The following COMMD1 variants were observed in gnomAD, a reference collection of about 807,000 sequenced individuals.
COMMD1 encodes COMM domain-containing protein 1.
COMMD1 carries 10 observed loss-of-function variants against 17.2 expected under a neutral mutation model. That is an observed-to-expected ratio of 0.58 (90% CI 0.36 to 0.99). The LOEUF is 0.99. COMMD1 is among the 50% of genes least tolerant of loss of function. COMMD1 has a pLI of 0.01. For missense variants in COMMD1, 270 were observed against 231.8 expected (o/e 1.17, Z -1.07); for synonymous variants, 97 against 91.6 (o/e 1.06, Z -0.34).
intron 2 of COMMD1, among the ~76,000 whole-genome samples, chr2:62,071,427 T>C (rs1671196221): frequency 1.3e-5 from 2 of 152,226 alleles, no homozygotes; most frequent in African/African-American, 2.4e-5. Context: ...CTGTATGTCC[T>C]GCCAACTTTT....
chr2:62,065,337 ACT>A (rs1671002300), intron 2 of COMMD1, among the ~76,000 whole-genome samples: 1 of 102,134 alleles, frequency 9.8e-6, no homozygotes, highest in Non-Finnish European at 1.9e-5. Flanking sequence ...ATATGTACTT[ACT>A]TTTTTTTTTT....
At chr2:61,955,052 T>C (rs1349008257) in intron 1 of COMMD1, among the ~76,000 whole-genome samples, 1 of 152,248 alleles carries the variant, frequency 6.6e-6, no homozygotes, top group Non-Finnish European at 1.5e-5. Context: ...ACTTAAGCCC[T>C]ATAAATCACG....
intron 2 of COMMD1, among the ~76,000 whole-genome samples, chr2:62,049,714 T>G (rs954964255): frequency 4.6e-5 from 7 of 152,178 alleles, no homozygotes; most frequent in Non-Finnish European, 1.0e-4. Flanking sequence ...CGTACCATCT[T>G]ATGGTTCTAG....
intron 2 of COMMD1, among the ~76,000 whole-genome samples, chr2:62,062,418 G>T (rs1354226753): frequency 1.3e-5 from 2 of 151,624 alleles, no homozygotes; most frequent in Non-Finnish European, 2.9e-5. Context: ...AATAGAGACG[G>T]GGTTTCACCA....
rs555994954 is a variant in COMMD1, at chr2:62,014,623, G to T, written c.462+13641G>T. ...GTCACCCAGGCTGGAATGCAGTGGT[G>T]CAATCTTGGCTCACTGCAACCTCTA... On this transcript the variant is annotated intron_variant, in intron 2 of 2. Coordinates refer to ENST00000311832, the MANE Select transcript of COMMD1 (RefSeq NM_152516.4). 8.8e-4 allele frequency among the ~76,000 whole-genome samples: 104 copies of T among 118,792 alleles called. 2 individuals are homozygous for T. Among genetic ancestry groups the T allele is most frequent in the African/African-American group, 3.4e-3 (103 of 30,212 alleles). The allele number at this position is 118,792 out of a possible 152,430, so 77.9% of individuals were successfully genotyped here.
At chr2:61,938,211 A>G (rs898868483) in intron 1 of COMMD1, among the ~76,000 whole-genome samples, 1 of 151,828 alleles carries the variant, frequency 6.6e-6, no homozygotes, top group Admixed American at 6.6e-5. Context: ...ACCTGTTAAC[A>G]TCATCAAACT....
At chr2:62,019,768 C>T (rs1249385404) in intron 2 of COMMD1, among the ~76,000 whole-genome samples, 1 of 152,142 alleles carries the variant, frequency 6.6e-6, no homozygotes, top group African/African-American at 2.4e-5. Flanking sequence ...CAGATGTATC[C>T]ACTGAAAAGT....
chr2:61,999,792 T>C (rs1668873228), intron 1 of COMMD1, among the ~76,000 whole-genome samples: 1 of 152,122 alleles, frequency 6.6e-6, no homozygotes, highest in South Asian at 2.1e-4. Context: ...TATTTAAAAA[T>C]TATATTCTAG....
intron 1 of COMMD1, among the ~76,000 whole-genome samples, chr2:61,907,857 A>AT: frequency 6.6e-6 from 1 of 151,906 alleles, no homozygotes; most frequent in East Asian, 1.9e-4. Flanking sequence ...CGCCTGACTA[A>AT]TTTTTTTATT....
chr2:62,073,019 G>A (rs1671242220), intron 2 of COMMD1, among the ~76,000 whole-genome samples: 2 of 152,256 alleles, frequency 1.3e-5, no homozygotes, highest in African/African-American at 2.4e-5. Flanking sequence ...AGCAAGCCCA[G>A]TGGTAAGCCC....
chr2:61,963,656 T>C (rs1164979097), intron 1 of COMMD1, among the ~76,000 whole-genome samples: 1 of 152,150 alleles, frequency 6.6e-6, no homozygotes, highest in Non-Finnish European at 1.5e-5. Flanking sequence ...GCCAGTTGTT[T>C]AGAAGTGAAG....
At chr2:62,090,470 A>G (rs1201799340) in intron 2 of COMMD1, among the ~76,000 whole-genome samples, 1 of 152,152 alleles carries the variant, frequency 6.6e-6, no homozygotes, top group African/African-American at 2.4e-5. Flanking sequence ...CTCCATAGAT[A>G]TAACATCCTG....
rs200579254 is a variant in COMMD1 at position 61,973,500 on chromosome 2, TAATA to T, written c.181-27196_181-27193del. On this transcript the variant is annotated intron_variant, in intron 1 of 2. Transcript: ENST00000311832. ...CATTGTCTTGATTATTAGGTTGAAC[TAATA>T]AATATTTTCGCTTATTTATCATTTG... 1.5e-4 allele frequency among the ~76,000 whole-genome samples: 23 copies of T among 152,354 alleles called. No homozygotes were observed. In the East Asian group the frequency reaches 4.2e-3, roughly 28 times the overall value.
At chr2:62,034,419 G>A (rs1243821917) in intron 2 of COMMD1, among the ~76,000 whole-genome samples, 2 of 152,082 alleles carry the variant, frequency 1.3e-5, no homozygotes, top group African/African-American at 2.4e-5. Context: ...GCTTGAACCC[G>A]GGAGGCAGAG....
At chr2:62,058,050 T>G (rs1034635661) in intron 2 of COMMD1, among the ~76,000 whole-genome samples, 2 of 152,232 alleles carry the variant, frequency 1.3e-5, no homozygotes, top group African/African-American at 4.8e-5. Flanking sequence ...GTTTCTGATT[T>G]AATTTCATTA....
At chr2:62,083,834 A>G (rs568370988) in intron 2 of COMMD1, among the ~76,000 whole-genome samples, 19 of 152,376 alleles carry the variant, frequency 1.2e-4, no homozygotes, top group African/African-American at 3.8e-4. Context: ...AGGTGTGACC[A>G]AAACAAAGGG....
intron 1 of COMMD1, among the ~76,000 whole-genome samples, chr2:61,895,175 C>T (rs770928935): frequency 4.6e-5 from 7 of 152,166 alleles, no homozygotes; most frequent in Non-Finnish European, 1.0e-4. Flanking sequence ...TTTAAGACAG[C>T]CAGGAGAGTG....
chr2:61,999,973 G>T (rs1394091506), intron 1 of COMMD1, among the ~76,000 whole-genome samples: 6 of 148,970 alleles, frequency 4.0e-5, no homozygotes, highest in Admixed American at 2.7e-4. Flanking sequence ...GCTCAGGCTG[G>T]AGTATAGTGG....
At chr2:62,128,418 T>C (rs1270178995) in intron 2 of COMMD1, among the ~76,000 whole-genome samples, 1 of 151,636 alleles carries the variant, frequency 6.6e-6, no homozygotes, top group Non-Finnish European at 1.5e-5. Context: ...GAAGAAAATC[T>C]AGGCAGTACC....
Sources: allele counts gnomAD v4.1 joint callset (sites outside exome capture counted in the v4.1 genomes callset), GRCh38; gene constraint gnomAD v4.1.1; transcripts MANE v1.5; gene names NCBI Gene and HGNC (gene_info 2026-07-23, HGNC 2026-07-21).